The following EYA2 variants were observed in gnomAD, a reference collection of about 807,000 sequenced individuals.
EYA2 encodes EYA transcriptional coactivator and phosphatase 2, also known as protein phosphatase EYA2.
EYA2 carries 31 observed loss-of-function variants against 69.2 expected under a neutral mutation model. That is an observed-to-expected ratio of 0.45 (90% CI 0.34 to 0.60). The LOEUF (loss-of-function observed/expected upper bound fraction) is 0.60. Among genes scored for constraint, EYA2 ranks in the 20% least tolerant of loss-of-function variants. The pLI, the probability that EYA2 is intolerant of heterozygous loss-of-function variation, is 0.02. For synonymous variants in EYA2, 257 were observed against 279.4 expected (o/e 0.92, Z 0.80); for missense variants, 622 against 701.2 (o/e 0.89, Z 1.28).
At position 47,022,173 on chromosome 20, in the gene EYA2, C is replaced by A. The variant is rs924753152; in HGVS notation, c.415+5876C>A. ...TTTTCCCAGGCAGATGGGATGAGGGCCCCTCCGTCCAAACTCGTTCTGTGG... is the reference window on the plus strand; with the variant it reads ...TTTTCCCAGGCAGATGGGATGAGGGACCCTCCGTCCAAACTCGTTCTGTGG... On this transcript the variant is annotated intron_variant, in intron 5 of 15. Transcript: ENST00000327619. Among the ~76,000 whole-genome samples, 17 of 152,200 alleles carry A rather than the reference C, an allele frequency of 1.1e-4. No individual in the cohort carries two copies. The East Asian group carries it at 2.5e-3, about 22-fold the overall frequency.
chr20:46,901,463 C>G (rs986308894), intron 1 of EYA2: 9 of 152,176 alleles, frequency 5.9e-5, no homozygotes, highest in Non-Finnish European at 1.2e-4. Flanking sequence ...TCCTGAAATA[C>G]AGAGTCAGAG....
intron 1 of EYA2, among the ~76,000 whole-genome samples, chr20:46,921,372 T>G (rs1025157419): frequency 2.0e-5 from 3 of 152,240 alleles, no homozygotes; most frequent in Admixed American, 6.5e-5. Context: ...TCATGTCCAT[T>G]TGTAGTCCTC....
At position 47,147,261 on chromosome 20, in the gene EYA2, G is replaced by A. The variant is rs560262110; in HGVS notation, c.978+4113G>A. On this transcript the variant is annotated intron_variant, in intron 10 of 15. Coordinates refer to ENST00000327619, the MANE Select transcript of EYA2 (RefSeq NM_005244.5). ...ACAGGGCTTCACCTTGTTGGGCACGGTGGTCTCGAACTCCTGACCTCAAGT... is the reference window on the plus strand; with the variant it reads ...ACAGGGCTTCACCTTGTTGGGCACGATGGTCTCGAACTCCTGACCTCAAGT... Among the ~76,000 whole-genome samples the A allele has an allele frequency of 4.6e-5, 7 of 152,044 alleles. No homozygotes were observed. In the South Asian group the frequency reaches 1.0e-3, roughly 23 times the overall value.
chr20:47,143,034 G>T, intron 9 of EYA2, 25 bp from the exon 10 acceptor site: 1 of 1,606,760 alleles, frequency 6.2e-7, no homozygotes, highest in East Asian at 2.2e-5. Context: ...GCGTGCATGT[G>T]ATTTTCCCCT....
chr20:46,933,764 T>C (rs1985776027), intron 1 of EYA2, among the ~76,000 whole-genome samples: 1 of 152,232 alleles, frequency 6.6e-6, no homozygotes. Flanking sequence ...AGATTTGGGT[T>C]GGACTGTGCT....
At chr20:47,049,497 A>C (rs1434147944) in intron 5 of EYA2, among the ~76,000 whole-genome samples, 3 of 151,212 alleles carry the variant, frequency 2.0e-5, no homozygotes, top group Admixed American at 6.6e-5. Context: ...GTGATAATGA[A>C]TGAGTTCTCT....
intron 5 of EYA2, among the ~76,000 whole-genome samples, chr20:47,018,271 T>C (rs537212717): frequency 3.9e-4 from 59 of 152,220 alleles, no homozygotes; most frequent in African/African-American, 1.4e-3. Context: ...ACACAATAAG[T>C]GATCTAAGTT....
chr20:46,979,942 A>G (rs996526310), intron 1 of EYA2, among the ~76,000 whole-genome samples: 1 of 152,218 alleles, frequency 6.6e-6, no homozygotes, highest in Non-Finnish European at 1.5e-5. Context: ...TGAGGCTCAG[A>G]TAAGTGAAAT....
chr20:46,916,583 C>T (rs925666714), intron 1 of EYA2, among the ~76,000 whole-genome samples: 6 of 152,188 alleles, frequency 3.9e-5, no homozygotes, highest in African/African-American at 1.4e-4. Flanking sequence ...GGGACTGGCA[C>T]TTCTGGGCTT....
At chr20:47,131,471 C>A (rs6018295) in intron 9 of EYA2, among the ~76,000 whole-genome samples, 42,066 of 152,144 alleles carry the variant, frequency 0.28, 7,731 homozygotes, top group African/African-American at 0.53. Context: ...GGTGGGCAGA[C>A]AAATGGCACC....
At chr20:47,046,240 C>T (rs1463317686) in intron 5 of EYA2, among the ~76,000 whole-genome samples, 2 of 152,212 alleles carry the variant, frequency 1.3e-5, no homozygotes, top group African/African-American at 4.8e-5. Flanking sequence ...GAGGGCTCGA[C>T]TTTCATGACC....
intron 1 of EYA2, among the ~76,000 whole-genome samples, chr20:46,897,038 A>G (rs984675190): frequency 6.6e-6 from 1 of 152,164 alleles, no homozygotes; most frequent in African/African-American, 2.4e-5. Flanking sequence ...TCATCACGTA[A>G]GTTTTAGAAT....
At chr20:47,183,045 C>CT (rs969414068) in intron 14 of EYA2, among the ~76,000 whole-genome samples, 34 of 152,346 alleles carry the variant, frequency 2.2e-4, no homozygotes, top group African/African-American at 8.2e-4. Context: ...GCTCTAACCC[C>CT]TGCGCTGCCT....
chr20:47,026,765 A>G (rs568709793), intron 5 of EYA2, among the ~76,000 whole-genome samples: 15 of 152,108 alleles, frequency 9.9e-5, no homozygotes, highest in Non-Finnish European at 1.9e-4. Flanking sequence ...TAAACCCCCC[A>G]CCAACGCTGG....
chr20:47,060,792 C>T (rs1224478167), intron 5 of EYA2, among the ~76,000 whole-genome samples: 5 of 151,702 alleles, frequency 3.3e-5, no homozygotes, highest in Admixed American at 2.0e-4. Flanking sequence ...GCCTCGGACT[C>T]TTCATGCACA....
chr20:47,175,927 A>G (rs911752801), intron 12 of EYA2, among the ~76,000 whole-genome samples: 4 of 152,180 alleles, frequency 2.6e-5, no homozygotes, highest in African/African-American at 4.8e-5. Context: ...AGATTCATTC[A>G]TTCATTCATT....
intron 1 of EYA2, among the ~76,000 whole-genome samples, chr20:46,952,873 T>C (rs1978888475): frequency 6.6e-6 from 1 of 152,234 alleles, no homozygotes; most frequent in Non-Finnish European, 1.5e-5. Context: ...TATCTTAAGA[T>C]GCAAAGTGAA....
intron 4 of EYA2, among the ~76,000 whole-genome samples, chr20:47,009,185 G>A (rs112295737): frequency 6.6e-5 from 10 of 152,136 alleles, no homozygotes; most frequent in South Asian, 2.1e-4. Flanking sequence ...ACACACACAC[G>A]CGTGCACGCA....
At chr20:47,034,175 A>G (rs915705767) in intron 5 of EYA2, among the ~76,000 whole-genome samples, 1 of 152,208 alleles carries the variant, frequency 6.6e-6, no homozygotes, top group Non-Finnish European at 1.5e-5. Context: ...AATTAAAAAC[A>G]TTTGTTCCCT....
Sources: gnomAD v4.1 joint callset for allele counts (sites outside exome capture counted in the v4.1 genomes callset) on GRCh38, gnomAD v4.1.1 for gene constraint, MANE v1.5 for transcripts, NCBI Gene and HGNC (gene_info 2026-07-23, HGNC 2026-07-21) for gene names.